The following LGSN variants were observed in gnomAD, a reference collection of about 807,000 sequenced individuals.
LGSN encodes lengsin.
A neutral mutation model predicts 19.5 loss-of-function variants in LGSN; 21 were observed. The ratio of observed to expected loss-of-function variants is 1.07; its 90% CI spans 0.76 to 1.55. The LOEUF (loss-of-function observed/expected upper bound fraction) is 1.55. LGSN is among the 40% of genes most tolerant of loss of function. The pLI is 0.00. For synonymous variants in LGSN, 257 were observed against 215.6 expected (o/e 1.19, Z -1.68); for missense variants, 673 against 608.5 (o/e 1.11, Z -1.12).
the LGSN span, among the ~76,000 whole-genome samples, chr6:63,388,040 GTT>G: frequency 1.5e-5 from 2 of 129,396 alleles, no homozygotes; most frequent in Non-Finnish European, 3.4e-5. Flanking sequence ...TAATTTTTTT[GTT>G]TTTTTTTTTT....
chr6:63,461,090 C>T, the LGSN span, among the ~76,000 whole-genome samples: 28 of 152,098 alleles, frequency 1.8e-4, no homozygotes, highest in Admixed American at 1.1e-3. Flanking sequence ...TCCCCCAAGA[C>T]GGAGTCTTAC....
chr6:63,470,488 AG>A, the LGSN span, among the ~76,000 whole-genome samples: 1 of 150,910 alleles, frequency 6.6e-6, no homozygotes, highest in South Asian at 2.1e-4. Flanking sequence ...AAAAAAAAAA[AG>A]AAAGAAAAGA....
chr6:63,337,877 A>G, the LGSN span, among the ~76,000 whole-genome samples: 1 of 151,822 alleles, frequency 6.6e-6, no homozygotes, highest in East Asian at 1.9e-4. Flanking sequence ...GTACTATTTT[A>G]TTTATGTATT....
At chr6:63,521,528 C>T in the LGSN span, among the ~76,000 whole-genome samples, 4 of 152,158 alleles carry the variant, frequency 2.6e-5, no homozygotes, top group Non-Finnish European at 4.4e-5. Flanking sequence ...TGACAGATGG[C>T]TAAATGCCAT....
At chr6:63,531,342 G>A in the LGSN span, among the ~76,000 whole-genome samples, 5 of 151,900 alleles carry the variant, frequency 3.3e-5, no homozygotes, top group Admixed American at 3.3e-4. Flanking sequence ...CAGTCTGGGG[G>A]TTCTCTTTAA....
chr6:63,465,699 A>AT, the LGSN span, among the ~76,000 whole-genome samples: 116 of 152,146 alleles, frequency 7.6e-4, no homozygotes, highest in Middle Eastern at 0.014. Flanking sequence ...ATACTAGCAT[A>AT]TTTTTTTTCA....
At chr6:63,379,903 T>A in the LGSN span, among the ~76,000 whole-genome samples, 2 of 152,106 alleles carry the variant, frequency 1.3e-5, no homozygotes, top group Admixed American at 6.6e-5. Context: ...AATGGTGCAA[T>A]CTTGGCTCAC....
chr6:63,491,488 G>A, the LGSN span, among the ~76,000 whole-genome samples: 1 of 152,154 alleles, frequency 6.6e-6, no homozygotes, highest in Non-Finnish European at 1.5e-5. Context: ...TCCTCCCAAA[G>A]CCTCCATGGA....
chr6:63,349,360 T>C, the LGSN span, among the ~76,000 whole-genome samples: 2 of 152,286 alleles, frequency 1.3e-5, no homozygotes, highest in African/African-American at 4.8e-5. Context: ...ACATGGTTGG[T>C]AGAATTCTAA....
the LGSN span, among the ~76,000 whole-genome samples, chr6:63,547,954 T>C: frequency 6.6e-6 from 1 of 152,202 alleles, no homozygotes; most frequent in Non-Finnish European, 1.5e-5. Context: ...CCCCATTATC[T>C]CACCATTTCA....
chr6:63,467,093 G>C, the LGSN span, among the ~76,000 whole-genome samples: 3 of 151,948 alleles, frequency 2.0e-5, no homozygotes, highest in South Asian at 2.1e-4. Context: ...ACCATTAAAG[G>C]GTCCAGGAAA....
At chr6:63,442,799 G>A in the LGSN span, among the ~76,000 whole-genome samples, 2 of 152,114 alleles carry the variant, frequency 1.3e-5, no homozygotes, top group African/African-American at 2.4e-5. Context: ...CACAAACCCC[G>A]AGCTAGACAC....
intron 1 of LGSN, among the ~76,000 whole-genome samples, chr6:63,297,355 A>AG (rs35495052): frequency 1.3e-5 from 1 of 75,224 alleles, no homozygotes; most frequent in Non-Finnish European, 3.2e-5. Flanking sequence ...CCTCGGTATC[A>AG]AAAAAAAAAA....
At chr6:63,439,679 C>T in the LGSN span, among the ~76,000 whole-genome samples, 1 of 152,102 alleles carries the variant, frequency 6.6e-6, no homozygotes, top group Non-Finnish European at 1.5e-5. Flanking sequence ...AATTCTAATT[C>T]CCCCCATCTA....
At chr6:63,476,602 A>G in the LGSN span, among the ~76,000 whole-genome samples, 1 of 152,178 alleles carries the variant, frequency 6.6e-6, no homozygotes, top group African/African-American at 2.4e-5. Flanking sequence ...AAGCACCTAC[A>G]TGCTGTTTCT....
chr6:63,324,068 G>A (rs538786658), upstream of LGSN, among the ~76,000 whole-genome samples: 51 of 152,060 alleles, frequency 3.4e-4, no homozygotes, highest in South Asian at 6.7e-3. Context: ...CACCGCTTCC[G>A]GCTTGCATTT....
chr6:63,529,984 C>T, the LGSN span, among the ~76,000 whole-genome samples: 1 of 151,896 alleles, frequency 6.6e-6, no homozygotes, highest in Non-Finnish European at 1.5e-5. Flanking sequence ...ATTTAGGTAC[C>T]TTTATAGAGT....
chr6:63,374,856 C>A, the LGSN span, among the ~76,000 whole-genome samples: 1 of 152,134 alleles, frequency 6.6e-6, no homozygotes, highest in Non-Finnish European at 1.5e-5. Context: ...ATGTGCTACT[C>A]CTGAACATCT....
At chr6:63,478,806 T>C in the LGSN span, among the ~76,000 whole-genome samples, 1 of 152,214 alleles carries the variant, frequency 6.6e-6, no homozygotes, top group Non-Finnish European at 1.5e-5. Flanking sequence ...AGGTAGGGTG[T>C]GCTTTAAGGT....
Sources: allele counts gnomAD v4.1 joint callset (sites outside exome capture counted in the v4.1 genomes callset), GRCh38; gene constraint gnomAD v4.1.1; transcripts MANE v1.5; gene names NCBI Gene and HGNC (gene_info 2026-07-23, HGNC 2026-07-21).